The following CAPZA2 variants were observed in gnomAD, a reference collection of about 807,000 sequenced individuals.
CAPZA2 encodes the protein F-actin-capping protein subunit alpha-2.
Under a neutral mutation model 44.0 loss-of-function variants are expected in CAPZA2, and 13 were observed. The observed-to-expected ratio is 0.30, with a 90% CI of 0.19 to 0.47. The LOEUF is 0.47. CAPZA2 is among the 20% of genes least tolerant of loss of function. The pLI, the probability that CAPZA2 is intolerant of heterozygous loss-of-function variation, is 1.00. For missense variants in CAPZA2, 244 were observed against 338.6 expected (o/e 0.72, Z 2.19); for synonymous variants, 94 against 108.2 (o/e 0.87, Z 0.81).
intron 1 of CAPZA2, among the ~76,000 whole-genome samples, chr7:116,881,738 CAAAAAAAAAAA>C (rs71148338): frequency 1.1e-3 from 54 of 47,800 alleles, no homozygotes; most frequent in Admixed American, 3.0e-3. Flanking sequence ...GACTCTGTCT[CAAAAAAAAAAA>C]AAAAAAAAAA....
rs1791753652 is a variant in CAPZA2, at chr7:116,920,413, G to A, written c.*2546G>A. The A allele has an allele frequency of 6.6e-6, 1 of 152,322 alleles. No homozygotes were observed. Among genetic ancestry groups the A allele is most frequent in the Admixed American group, 6.5e-5 (1 of 15,278 alleles). 9.4% of individuals were successfully genotyped at this position (152,322 alleles called of 1,614,324 possible). A position where few individuals can be genotyped will look rare whatever the true frequency, so the allele number is the denominator to read the frequency against. ...GCATAATCAGGGAGAACAGCTAGGAGACTACTGCAGTAATCTAGTTGAGAG... is the reference window on the plus strand; with the variant it reads ...GCATAATCAGGGAGAACAGCTAGGAAACTACTGCAGTAATCTAGTTGAGAG... On this transcript the variant is annotated 3_prime_UTR_variant, in exon 10 of 10. Transcript: ENST00000361183.
At position 116,893,043 on chromosome 7, in the gene CAPZA2, C is replaced by A. The variant is rs771007422; in HGVS notation, c.153C>A (p.Ala51=). Residue 51 remains alanine, a splice_region_variant and synonymous_variant, in exon 3 of 10, where the codon GCC becomes GCA. Coordinates refer to ENST00000361183, the MANE Select transcript of CAPZA2 (RefSeq NM_006136.3). ...NNDNLLREGA[A]HAFAQYNLDQ... ...ACAATCTTCTCAGGGAAGGAGCAGC[C>A]CAGTAAGTATTATTTATCATACTAA... 14 of 1,589,934 alleles carry A rather than the reference C, an allele frequency of 8.8e-6. No individual in the cohort carries two copies. The highest frequency in any genetic ancestry group is 1.2e-5 in the Non-Finnish European group (14 of 1,163,196).
At chr7:116,867,052 C>A (rs1796492157) in intron 1 of CAPZA2, among the ~76,000 whole-genome samples, 2 of 152,170 alleles carry the variant, frequency 1.3e-5, no homozygotes, top group African/African-American at 2.4e-5. Context: ...TTACAATCAA[C>A]TGGTAAAAGT....
At chr7:116,881,903 T>C (rs1796708374) in intron 1 of CAPZA2, among the ~76,000 whole-genome samples, 1 of 152,148 alleles carries the variant, frequency 6.6e-6, no homozygotes, top group South Asian at 2.1e-4. Flanking sequence ...TTCATGACCC[T>C]AACTCTTTTG....
intron 1 of CAPZA2, among the ~76,000 whole-genome samples, chr7:116,879,124 C>CAAAAAAAAAAAAA (rs71148337): frequency 1.1e-4 from 5 of 45,312 alleles, no homozygotes; most frequent in Non-Finnish European, 1.3e-4. Context: ...AACTCTGTCT[C>CAAAAAAAAAAAAA]AAAAAAAAAA....
intron 4 of CAPZA2, among the ~76,000 whole-genome samples, chr7:116,902,866 C>T (rs991567150): frequency 1.4e-4 from 22 of 152,180 alleles, no homozygotes; most frequent in African/African-American, 4.8e-4. Flanking sequence ...CATGCCACCA[C>T]GACTGACTAA....
Position 116,917,927 on chromosome 7 carries a change from G to GT in CAPZA2, c.*61dup, listed in dbSNP as rs756166240. On this transcript the variant is annotated 3_prime_UTR_variant, in exon 10 of 10. Coordinates refer to ENST00000361183, the MANE Select transcript of CAPZA2 (RefSeq NM_006136.3). ...TTTGCGTTAAAAAATCATTGCAAAAGTATTCTGAACTGTCAAGCTGCCCAG... is the reference window on the plus strand; with the variant it reads ...TTTGCGTTAAAAAATCATTGCAAAAGTTATTCTGAACTGTCAAGCTGCCCAG... The GT allele has an allele frequency of 4.8e-6, 7 of 1,452,678 alleles. No individual in the cohort carries two copies. The highest frequency in any genetic ancestry group is 6.7e-6 in the Non-Finnish European group (7 of 1,037,394). The allele number at this position is 1,452,678 out of a possible 1,614,324, so 90.0% of individuals were successfully genotyped here.
intron 1 of CAPZA2, among the ~76,000 whole-genome samples, chr7:116,887,557 TGTG>T (rs944798637): frequency 6.6e-6 from 1 of 151,694 alleles, no homozygotes; most frequent in Admixed American, 6.6e-5. Context: ...ATAGGCCAGA[TGTG>T]GTGGCTCACA....
chr7:116,881,796 C>T (rs893532550), intron 1 of CAPZA2, among the ~76,000 whole-genome samples: 4 of 151,846 alleles, frequency 2.6e-5, no homozygotes, highest in East Asian at 1.9e-4. Flanking sequence ...CCTCCACCCC[C>T]GCCCTGGTCC....
At chr7:116,912,171 C>G (rs1791605519) in intron 8 of CAPZA2, 31 bp downstream of exon 8, 1 of 1,605,668 alleles carries the variant, frequency 6.2e-7, no homozygotes, top group African/African-American at 1.3e-5. Context: ...TAAAATTTAA[C>G]CTAATACTTC....
At chr7:116,915,304 A>G (rs147268751) in intron 8 of CAPZA2, among the ~76,000 whole-genome samples, 228 of 149,964 alleles carry the variant, frequency 1.5e-3, no homozygotes, top group African/African-American at 5.2e-3. Context: ...CCCTGTCTCA[A>G]AAAAAAAAAA....
At chr7:116,890,153 C>T (rs902322973) in intron 2 of CAPZA2, among the ~76,000 whole-genome samples, 7 of 152,084 alleles carry the variant, frequency 4.6e-5, no homozygotes, top group Admixed American at 4.6e-4. Context: ...AAATGCCCTG[C>T]ATATTTAATC....
intron 1 of CAPZA2, among the ~76,000 whole-genome samples, chr7:116,877,066 G>T (rs1796631595): frequency 1.3e-5 from 2 of 152,204 alleles, no homozygotes; most frequent in African/African-American, 4.8e-5. Flanking sequence ...TTGGCTAGGG[G>T]ACCTTATCTG....
At chr7:116,906,177 A>G (rs1791503805) in intron 5 of CAPZA2, 86 bp from the exon 6 acceptor site, 2 of 1,539,532 alleles carry the variant, frequency 1.3e-6, no homozygotes, top group Non-Finnish European at 1.7e-6. Context: ...AAAGTACTGT[A>G]CAATTTGCAG....
At chr7:116,888,662 G>A (rs1796793799) in intron 2 of CAPZA2, 1 of 132,224 alleles carries the variant, frequency 7.6e-6, no homozygotes, top group African/African-American at 2.8e-5. Context: ...GCAGTATGGT[G>A]AAACCTTGTC....
chr7:116,902,913 A>G (rs1797015044), intron 4 of CAPZA2, among the ~76,000 whole-genome samples: 1 of 152,024 alleles, frequency 6.6e-6, no homozygotes, highest in African/African-American at 2.4e-5. Context: ...AGGTCTTACT[A>G]TGTTGCCCGG....
At chr7:116,889,319 T>C (rs1796801489) in intron 2 of CAPZA2, among the ~76,000 whole-genome samples, 1 of 152,252 alleles carries the variant, frequency 6.6e-6, no homozygotes, top group South Asian at 2.1e-4. Flanking sequence ...TCACCGTGTC[T>C]TAAAAGTGAA....
chr7:116,887,873 T>G (rs921724379), intron 1 of CAPZA2, among the ~76,000 whole-genome samples: 1 of 152,200 alleles, frequency 6.6e-6, no homozygotes, highest in African/African-American at 2.4e-5. Context: ...AAGAAATTGT[T>G]TATCTGTAAG....
At chr7:116,879,246 C>T (rs1192141179) in intron 1 of CAPZA2, among the ~76,000 whole-genome samples, 2 of 151,614 alleles carry the variant, frequency 1.3e-5, no homozygotes, top group African/African-American at 4.8e-5. Flanking sequence ...CACCCAAGGT[C>T]ACATCGCTAA....
Sources: allele counts gnomAD v4.1 joint callset (sites outside exome capture counted in the v4.1 genomes callset), GRCh38; gene constraint gnomAD v4.1.1; transcripts MANE v1.5; gene names NCBI Gene and HGNC (gene_info 2026-07-23, HGNC 2026-07-21).